FAM135B: variants seen among roughly 807,000 people sequenced by gnomAD.
The protein encoded by FAM135B is protein FAM135B.
A neutral mutation model predicts 127.7 loss-of-function variants in FAM135B; 43 were observed. That is an observed-to-expected ratio of 0.34 (90% CI 0.26 to 0.43). The LOEUF is 0.43. Among genes scored for constraint, FAM135B ranks in the 20% least tolerant of loss-of-function variants. The probability of loss-of-function intolerance (pLI) is 1.00; values close to 1 mark genes in which losing one functional copy is unlikely to be tolerated. For missense variants in FAM135B, 1,558 were observed against 1,725.6 expected (o/e 0.90, Z 1.72); for synonymous variants, 670 against 665.1 (o/e 1.01, Z -0.11).
intron 3 of FAM135B, among the ~76,000 whole-genome samples, chr8:138,286,909 G>A (rs1335816288): frequency 2.6e-5 from 4 of 152,198 alleles, no homozygotes; most frequent in Non-Finnish European, 5.9e-5. Flanking sequence ...CAAATCCCAG[G>A]CCCACCAGTT....
Position 138,374,049 on chromosome 8 carries a change from G to A in FAM135B, c.-19-6047C>T, listed in dbSNP as rs142777203. 4.7e-3 allele frequency among the ~76,000 whole-genome samples: 711 copies of A among 151,882 alleles called. 6 individuals carry two copies. The highest frequency in any genetic ancestry group is 0.016 in the African/African-American group (673 of 41,424). On this transcript the variant is annotated intron_variant, in intron 1 of 19. Transcript: ENST00000395297. ...GATCTTTGTGACACACACCCTATTC[G>A]TACACTCCCTCCCCTTTAAAAAAAA...
intron 4 of FAM135B, among the ~76,000 whole-genome samples, chr8:138,257,916 A>C: frequency 7.0e-6 from 1 of 143,262 alleles, no homozygotes; most frequent in Non-Finnish European, 1.6e-5. Context: ...ACAAAACAAA[A>C]CAAAACCCTG....
rs746372840 is a variant in FAM135B at position 138,189,479 on chromosome 8, C to T, written c.873+5779G>A. On this transcript the variant is annotated intron_variant, in intron 9 of 19. Transcript: ENST00000395297. ...ATTGGCGGAAAGCAACCACCTCATG[C>T]GAAAAAGTGTTAACTGAGCTGTTAA... is the stretch of plus-strand genomic sequence containing the variant. Among the ~76,000 whole-genome samples, 10 of 152,298 alleles carry T rather than the reference C, an allele frequency of 6.6e-5. 1 individual carries two copies. The highest frequency in any genetic ancestry group is 7.2e-5 in the African/African-American group (3 of 41,568).
chr8:138,474,628 C>G (rs1022499025), intron 1 of FAM135B, among the ~76,000 whole-genome samples: 1 of 152,130 alleles, frequency 6.6e-6, no homozygotes, highest in Non-Finnish European at 1.5e-5. Flanking sequence ...TCACACAGCT[C>G]AAATCCTAAC....
At chr8:138,287,941 A>G (rs1824824958) in intron 3 of FAM135B, among the ~76,000 whole-genome samples, 1 of 152,262 alleles carries the variant, frequency 6.6e-6, no homozygotes, top group African/African-American at 2.4e-5. Context: ...GGATTCCGGT[A>G]ATAATCCATT....
intron 1 of FAM135B, among the ~76,000 whole-genome samples, chr8:138,427,799 T>C (rs867551761): frequency 1.4e-4 from 22 of 152,308 alleles, no homozygotes; most frequent in South Asian, 8.3e-4. Flanking sequence ...TCATTTTCCA[T>C]ATTTTAATTT....
intron 7 of FAM135B, among the ~76,000 whole-genome samples, chr8:138,210,263 T>C (rs1277426083): frequency 6.6e-6 from 1 of 152,214 alleles, no homozygotes; most frequent in Admixed American, 6.5e-5. Flanking sequence ...AGGCATTAAA[T>C]TCCTCCAGCT....
At chr8:138,456,974 G>A (rs956135230) in intron 1 of FAM135B, among the ~76,000 whole-genome samples, 6 of 151,428 alleles carry the variant, frequency 4.0e-5, no homozygotes, top group Admixed American at 3.9e-4. Context: ...GAAGCTTTGG[G>A]GAGAACAAAA....
chr8:138,161,539 A>G (rs1419406954), intron 12 of FAM135B, among the ~76,000 whole-genome samples: 2 of 152,232 alleles, frequency 1.3e-5, no homozygotes, highest in African/African-American at 4.8e-5. Context: ...AAAAGTTTAA[A>G]TCCTCCACAT....
intron 17 of FAM135B, among the ~76,000 whole-genome samples, chr8:138,139,852 C>T (rs112885611): frequency 0.013 from 2,042 of 152,276 alleles, 12 homozygotes; most frequent in Middle Eastern, 0.051. Context: ...GATTACATAA[C>T]CACAACAAGC....
At chr8:138,338,238 C>T (rs1403003229) in intron 2 of FAM135B, among the ~76,000 whole-genome samples, 1 of 151,296 alleles carries the variant, frequency 6.6e-6, no homozygotes, top group Non-Finnish European at 1.5e-5. Flanking sequence ...GCAATGGCAA[C>T]AAAAGCCAAA....
chr8:138,216,780 C>T (rs1818580364), intron 7 of FAM135B, among the ~76,000 whole-genome samples: 1 of 152,202 alleles, frequency 6.6e-6, no homozygotes, highest in South Asian at 2.1e-4. Context: ...CCACAGGAAT[C>T]TTTGACTTGG....
In FAM135B at chr8:138,431,682, C is replaced by T. The variant is rs1009217; in HGVS notation, c.-19-63680G>A. Among the ~76,000 whole-genome samples the T allele has an allele frequency of 2.7e-4, 41 of 152,282 alleles. 1 individual carries two copies. Among genetic ancestry groups the T allele is most frequent in the Admixed American group, 2.4e-3 (36 of 15,296 alleles). On this transcript the variant is annotated intron_variant, in intron 1 of 19. Coordinates refer to ENST00000395297, the MANE Select transcript of FAM135B (RefSeq NM_015912.4). ...AAACAATAGAGAAATGTATTATCCCCCATAAATGAAGATTTTGAGGAAGAC... is the reference window on the plus strand; with the variant it reads ...AAACAATAGAGAAATGTATTATCCCTCATAAATGAAGATTTTGAGGAAGAC...
intron 1 of FAM135B, among the ~76,000 whole-genome samples, chr8:138,484,159 T>A (rs1484225198): frequency 5.3e-5 from 8 of 152,194 alleles, no homozygotes. Flanking sequence ...ATGAGTTTTT[T>A]TCAAGTAAAT....
intron 1 of FAM135B, among the ~76,000 whole-genome samples, chr8:138,486,605 C>G (rs146963180): frequency 1.6e-4 from 24 of 152,308 alleles, no homozygotes; most frequent in African/African-American, 5.8e-4. Flanking sequence ...TGACAACAGC[C>G]TGGGCCCTGG....
intron 1 of FAM135B, chr8:138,439,992 G>C (rs80273773): frequency 0.03 from 4,565 of 152,294 alleles, 214 homozygotes; most frequent in African/African-American, 0.1. Context: ...ACCCACTGGA[G>C]AACTGGAGTG....
At chr8:138,274,316 G>C (rs148694481) in intron 3 of FAM135B, among the ~76,000 whole-genome samples, 1 of 152,238 alleles carries the variant, frequency 6.6e-6, no homozygotes, top group South Asian at 2.1e-4. Flanking sequence ...AGTAGGTTCC[G>C]TGATGCCCCA....
chr8:138,369,979 C>A lies in FAM135B; in HGVS notation c.-19-1977G>T, dbSNP rs571023167. ...AAGAGAGACAAAGGGAGAGCAGGAACAATGCACCCCAAGAGTGCCAGCCTA... is the reference window on the plus strand; with the variant it reads ...AAGAGAGACAAAGGGAGAGCAGGAAAAATGCACCCCAAGAGTGCCAGCCTA... On this transcript the variant is annotated intron_variant, in intron 1 of 19. Transcript: ENST00000395297. Among the ~76,000 whole-genome samples, 54 of 152,254 alleles carry A rather than the reference C, an allele frequency of 3.5e-4. No homozygotes were observed. In the South Asian group the frequency reaches 0.011, roughly 30 times the overall value.
chr8:138,426,463 C>A (rs1385974780), intron 1 of FAM135B, among the ~76,000 whole-genome samples: 1 of 150,842 alleles, frequency 6.6e-6, no homozygotes, highest in African/African-American at 2.4e-5. Flanking sequence ...CACAACTGTG[C>A]CATTCTTGGT....
Sources: allele counts gnomAD v4.1 joint callset (sites outside exome capture counted in the v4.1 genomes callset), GRCh38; gene constraint gnomAD v4.1.1; transcripts MANE v1.5; gene names NCBI Gene and HGNC (gene_info 2026-07-23, HGNC 2026-07-21).